Variants in PRR11 observed in about 807,000 individuals in gnomAD.
PRR11 encodes the protein proline rich 11.
A neutral mutation model predicts 45.6 loss-of-function variants in PRR11; 30 were observed. That is an observed-to-expected ratio of 0.66 (90% CI 0.49 to 0.89). The LOEUF is 0.89. Among genes scored for constraint, PRR11 ranks in the 40% least tolerant of loss-of-function variants. PRR11 has a pLI of 0.00. For synonymous variants in PRR11, 128 were observed against 153.5 expected (o/e 0.83, Z 1.23); for missense variants, 373 against 424.8 (o/e 0.88, Z 1.07).
chr17:59,180,720 G>A (rs1001853497), intron 2 of PRR11, among the ~76,000 whole-genome samples: 3 of 151,098 alleles, frequency 2.0e-5, no homozygotes, highest in African/African-American at 7.4e-5. Context: ...TGGTCAGGCT[G>A]GTCTCGAACA....
chr17:59,176,786 T>C (rs2147842832), intron 2 of PRR11, among the ~76,000 whole-genome samples: 1 of 140,402 alleles, frequency 7.1e-6, no homozygotes, highest in Admixed American at 7.6e-5. Flanking sequence ...AATGTCTGCC[T>C]CCTGGGTTCA....
At chr17:59,171,816 T>C (rs769688275) in intron 2 of PRR11, among the ~76,000 whole-genome samples, 10 of 151,958 alleles carry the variant, frequency 6.6e-5, no homozygotes, top group Non-Finnish European at 1.3e-4. Flanking sequence ...TAGCTATAAA[T>C]AGAAGAGATT....
At chr17:59,176,778 T>C (rs1235840010) in intron 2 of PRR11, among the ~76,000 whole-genome samples, 3 of 141,396 alleles carry the variant, frequency 2.1e-5, no homozygotes, top group Non-Finnish European at 4.5e-5. Context: ...CTTACTGCAA[T>C]GTCTGCCTCC....
intron 2 of PRR11, among the ~76,000 whole-genome samples, chr17:59,174,820 G>A (rs1399407430): frequency 1.3e-5 from 2 of 152,034 alleles, no homozygotes; most frequent in Non-Finnish European, 2.9e-5. Flanking sequence ...CCAGTGCTCT[G>A]GGTTATAAGC....
intron 1 of PRR11, among the ~76,000 whole-genome samples, chr17:59,159,437 A>G (rs772074242): frequency 2.6e-5 from 4 of 152,170 alleles, no homozygotes; most frequent in Non-Finnish European, 5.9e-5. Context: ...TAGATACCCT[A>G]CTGTCGCTCC....
chr17:59,169,865 C>T lies in PRR11; in HGVS notation c.113C>T (p.Pro38Leu), dbSNP rs778864937. ...QSKLITPPPP[P>L]PSPERVGISS... The stretch of plus-strand genomic sequence containing the variant: ...AAGCTAATTACACCTCCTCCTCCAC[C>T]ACCCTCACCAGAAAGGTAAGGCTTA... Residue 38 changes from proline to leucine, a missense_variant, in exon 2 of 10, where the codon CCA becomes CTA. Pro to Leu is a moderately conservative substitution (Grantham distance 98, BLOSUM62 -3). Coordinates refer to ENST00000262293, the MANE Select transcript of PRR11 (RefSeq NM_018304.4). The T allele has an allele frequency of 6.2e-7, 1 of 1,604,768 alleles. No homozygotes were observed. The highest frequency in any genetic ancestry group is 1.3e-5 in the African/African-American group (1 of 74,108).
intron 3 of PRR11, 94 bp downstream of exon 3, chr17:59,185,298 C>T: frequency 2.6e-6 from 4 of 1,526,134 alleles, no homozygotes; most frequent in Non-Finnish European, 3.6e-6. Flanking sequence ...AACCCTCAAG[C>T]TAAACTTAGA....
rs143377873 is a variant in PRR11 at position 59,160,593 on chromosome 17, T to G, written c.-6+4788T>G. On this transcript the variant is annotated intron_variant, in intron 1 of 9. Transcript: ENST00000262293. ...CGGCCTATAATATGACCTTTATTAT[T>G]GTTTGATTTGTTATCAAGAGCTCCA... is the stretch of plus-strand genomic sequence containing the variant. Among the ~76,000 whole-genome samples the G allele has an allele frequency of 5.5e-4, 84 of 152,172 alleles. No individual in the cohort carries two copies. The East Asian group carries it at 0.015, about 28-fold the overall frequency.
At chr17:59,174,948 AC>A in intron 2 of PRR11, 1 of 768,416 alleles carries the variant, frequency 1.3e-6, no homozygotes, top group Non-Finnish European at 1.9e-6. Context: ...ACCTACCCCC[AC>A]CCCGCCTACC....
At position 59,185,102 on chromosome 17, in the gene PRR11, A is replaced by G. The variant is rs2046807766; in HGVS notation, c.177A>G (p.Thr59=). ...IDISQSRSWL[T]SSWNFNFPNI... is the part of the protein sequence containing the mutation. Reference sequence around the variant, plus strand: ...TATCTCAAAGCAGAAGCTGGCTAACATCATCCTGGAACTTCAATTTTCCTA... The same window carrying G: ...TATCTCAAAGCAGAAGCTGGCTAACGTCATCCTGGAACTTCAATTTTCCTA... Residue 59 remains threonine, a synonymous_variant, in exon 3 of 10, where the codon ACA becomes ACG. Transcript: ENST00000262293. 2.5e-6 allele frequency: 4 copies of G among 1,613,814 alleles called. No homozygotes were observed. The highest frequency in any genetic ancestry group is 3.4e-6 in the Non-Finnish European group (4 of 1,179,740).
At chr17:59,183,602 G>A (rs934850935) in intron 2 of PRR11, among the ~76,000 whole-genome samples, 1 of 152,124 alleles carries the variant, frequency 6.6e-6, no homozygotes, top group African/African-American at 2.4e-5. Context: ...ATAGGAAACT[G>A]CCCATGAGCT....
rs1599701068 is a variant in PRR11 at position 59,181,672 on chromosome 17, T to C, written c.129-3382T>C. ...CTCTGGCGCCTCCTCCGATGACTCC[T>C]CAGATTGGTCCGACCACTCCCTCTT... On this transcript the variant is annotated intron_variant, in intron 2 of 9. Transcript: ENST00000262293. 6 of 1,540,694 alleles carry C rather than the reference T, an allele frequency of 3.9e-6. No homozygotes were observed. In the East Asian group the frequency reaches 1.4e-4, roughly 35 times the overall value.
At chr17:59,181,815 C>T in intron 2 of PRR11, 1 of 1,522,236 alleles carries the variant, frequency 6.6e-7, no homozygotes, top group Non-Finnish European at 8.9e-7. Context: ...CGACCCCGAC[C>T]CCAACCCCAA....
intron 1 of PRR11, chr17:59,160,977 T>C (rs2046648691): frequency 1.3e-5 from 2 of 151,286 alleles, no homozygotes; most frequent in Non-Finnish European, 2.9e-5. Context: ...GCTAAAGGCA[T>C]CCTCCCACCT....
chr17:59,157,021 C>G (rs1304256359), intron 1 of PRR11, among the ~76,000 whole-genome samples: 1 of 152,204 alleles, frequency 6.6e-6, no homozygotes, highest in Non-Finnish European at 1.5e-5. Context: ...TTATTTATTG[C>G]ATCTTCCTAT....
chr17:59,178,608 T>C, intron 2 of PRR11: 1 of 521,944 alleles, frequency 1.9e-6, no homozygotes, highest in African/African-American at 1.9e-5. Flanking sequence ...CAAGGAGAAG[T>C]GTGTCTCCCA....
intron 2 of PRR11, among the ~76,000 whole-genome samples, chr17:59,172,689 G>A (rs1161786010): frequency 6.6e-5 from 10 of 152,356 alleles, no homozygotes; most frequent in East Asian, 3.9e-4. Context: ...GGGGGTGCGC[G>A]GGGTCACCCA....
At chr17:59,167,332 A>G (rs1345505090) in intron 1 of PRR11, among the ~76,000 whole-genome samples, 2 of 152,128 alleles carry the variant, frequency 1.3e-5, no homozygotes, top group African/African-American at 4.8e-5. Flanking sequence ...CCTTCTAGCT[A>G]TTTGAAACTA....
Position 59,173,837 on chromosome 17 carries a change from TCTC to T in PRR11, c.128+3963_128+3965del, listed in dbSNP as rs555656479. ...CTAGATGATCTGCACAAATGGCTCC[TCTC>T]CTCCTTCCTGGTGTCTGTCATTAGC... On this transcript the variant is annotated intron_variant, in intron 2 of 9. Transcript: ENST00000262293. 9.2e-5 allele frequency among the ~76,000 whole-genome samples: 14 copies of T among 152,284 alleles called. No homozygotes were observed. The East Asian group carries it at 2.7e-3, about 29-fold the overall frequency.
Sources: gnomAD v4.1 joint callset for allele counts (sites outside exome capture counted in the v4.1 genomes callset) on GRCh38, gnomAD v4.1.1 for gene constraint, MANE v1.5 for transcripts, NCBI Gene and HGNC (gene_info 2026-07-23, HGNC 2026-07-21) for gene names.